TMEM135: variants seen among roughly 807,000 people sequenced by gnomAD.
The protein encoded by TMEM135 is transmembrane protein 135, also known as peroxisomal membrane protein 52.
A neutral mutation model predicts 60.3 loss-of-function variants in TMEM135; 30 were observed. The observed-to-expected ratio is 0.50, with a 90% CI of 0.37 to 0.68. The LOEUF is 0.68. Among genes scored for constraint, TMEM135 ranks in the 30% least tolerant of loss-of-function variants. The pLI is 0.00. For synonymous variants in TMEM135, 190 were observed against 186.7 expected, an observed-to-expected ratio of 1.02 and a Z score of -0.14; for missense variants, 468 against 548.8, an observed-to-expected ratio of 0.85 and a Z score of 1.47.
Position 87,323,058 on chromosome 11 carries a change from T to C in TMEM135, c.*1725T>C, listed in dbSNP as rs1251011171. 3 of 454,318 alleles carry C rather than the reference T, an allele frequency of 6.6e-6. No individual in the cohort carries two copies. The highest frequency in any genetic ancestry group is 6.0e-5 in the African/African-American group (3 of 50,118). 28.1% of individuals were successfully genotyped at this position (454,318 alleles called of 1,614,324 possible). On this transcript the variant is annotated 3_prime_UTR_variant, in exon 15 of 15. Coordinates refer to ENST00000305494, the MANE Select transcript of TMEM135 (RefSeq NM_022918.4). ...CATTTTCTTTATCCAGAAATTGTGC[T>C]TATATATTTTCCTGTCAGGTTTAAA...
intron 4 of TMEM135, among the ~76,000 whole-genome samples, chr11:87,123,780 A>T (rs572247203): frequency 6.6e-6 from 1 of 152,168 alleles, no homozygotes; most frequent in African/African-American, 2.4e-5. Flanking sequence ...GAGAATTAAC[A>T]TTTATTGAGC....
intron 5 of TMEM135, among the ~76,000 whole-genome samples, chr11:87,169,800 A>C (rs1026811159): frequency 5.3e-5 from 8 of 151,810 alleles, no homozygotes; most frequent in African/African-American, 1.9e-4. Context: ...CTTCTCGAGG[A>C]GTATCTTTGT....
chr11:87,311,546 C>T (rs937018995), intron 10 of TMEM135, among the ~76,000 whole-genome samples: 1 of 152,058 alleles, frequency 6.6e-6, no homozygotes, highest in African/African-American at 2.4e-5. Context: ...TGGTTATTCT[C>T]TGCCATCTAG....
intron 5 of TMEM135, among the ~76,000 whole-genome samples, chr11:87,168,309 T>G (rs1939126118): frequency 1.3e-5 from 2 of 152,178 alleles, no homozygotes; most frequent in African/African-American, 4.8e-5. Flanking sequence ...TCTCCTTCAG[T>G]TCTGCTCTGA....
intron 7 of TMEM135, among the ~76,000 whole-genome samples, chr11:87,296,114 C>T (rs1325684176): frequency 1.3e-5 from 2 of 152,096 alleles, no homozygotes; most frequent in South Asian, 2.1e-4. Context: ...AAAGACAGAG[C>T]TGCTCATGAA....
chr11:87,105,483 A>G (rs1166018905), intron 4 of TMEM135, among the ~76,000 whole-genome samples: 2 of 152,102 alleles, frequency 1.3e-5, no homozygotes, highest in Non-Finnish European at 2.9e-5. Flanking sequence ...TCTTTCACGA[A>G]TCCGTTTTCT....
chr11:87,076,443 C>T (rs74976416), intron 3 of TMEM135, among the ~76,000 whole-genome samples: 2 of 152,206 alleles, frequency 1.3e-5, no homozygotes, highest in African/African-American at 2.4e-5. Flanking sequence ...GTAGGCCCCC[C>T]CTCTGGCCTA....
At chr11:87,138,544 C>A (rs1213817056) in intron 4 of TMEM135, among the ~76,000 whole-genome samples, 1 of 152,070 alleles carries the variant, frequency 6.6e-6, no homozygotes, top group Non-Finnish European at 1.5e-5. Flanking sequence ...ATAGTCCAAA[C>A]AATGACTTAC....
At chr11:87,260,703 A>G (rs1941633640) in intron 6 of TMEM135, among the ~76,000 whole-genome samples, 1 of 150,620 alleles carries the variant, frequency 6.6e-6, no homozygotes, top group South Asian at 2.1e-4. Context: ...GAAAACAGAA[A>G]TAGTACTGAT....
chr11:87,326,752 T>A lies in TMEM135; in HGVS notation c.*5419T>A. On this transcript the variant is annotated 3_prime_UTR_variant, in exon 15 of 15. Coordinates refer to ENST00000305494, the MANE Select transcript of TMEM135 (RefSeq NM_022918.4). Reference sequence around the variant, plus strand: ...GGGAAAATTGAAGGTAAATAATATCTGCAAAGCTTCAGGAAGAAATTCAGT... The same window carrying A: ...GGGAAAATTGAAGGTAAATAATATCAGCAAAGCTTCAGGAAGAAATTCAGT... 2.2e-6 allele frequency: 1 copy of A among 446,040 alleles called. No homozygotes were observed. The highest frequency in any genetic ancestry group is 4.4e-6 in the Non-Finnish European group (1 of 224,832). The allele number at this position is 446,040 out of a possible 1,614,324, so 27.6% of individuals were successfully genotyped here. A position where few individuals can be genotyped will look rare whatever the true frequency, so the allele number is the denominator to read the frequency against.
intron 6 of TMEM135, among the ~76,000 whole-genome samples, chr11:87,274,940 C>T (rs1439644636): frequency 6.6e-6 from 1 of 150,522 alleles, no homozygotes; most frequent in Non-Finnish European, 1.5e-5. Flanking sequence ...TCTTTTTTCC[C>T]CCTAAGGAGT....
intron 6 of TMEM135, among the ~76,000 whole-genome samples, chr11:87,241,912 A>T (rs1033672671): frequency 2.1e-4 from 32 of 152,032 alleles, no homozygotes; most frequent in African/African-American, 7.2e-4. Context: ...TGTGCAGGTT[A>T]GTTACATATG....
chr11:87,325,581 A>G lies in TMEM135; in HGVS notation c.*4248A>G, dbSNP rs1305660019. ...TGTCCATTCTCTGCTTGCTGGTGTT[A>G]CTTTATGTTAACTAGTCTCCTTGGA... is the stretch of plus-strand genomic sequence containing the variant. On this transcript the variant is annotated 3_prime_UTR_variant, in exon 15 of 15. Transcript: ENST00000305494. 6.6e-6 allele frequency: 3 copies of G among 453,234 alleles called. No individual in the cohort carries two copies. The highest frequency in any genetic ancestry group is 4.7e-5 in the South Asian group (3 of 64,438). The allele number at this position is 453,234 out of a possible 1,614,324, so 28.1% of individuals were successfully genotyped here.
At chr11:87,314,395 A>T in intron 11 of TMEM135, 76 bp from the exon 12 acceptor site, 1 of 1,262,680 alleles carries the variant, frequency 7.9e-7, no homozygotes. Context: ...TATGTAAGTG[A>T]ATTAACATTT....
chr11:87,195,390 C>A lies in TMEM135; in HGVS notation c.462+37984C>A, dbSNP rs1412299898. On this transcript the variant is annotated intron_variant, in intron 5 of 14. Transcript: ENST00000305494. ...CCTTCCTTCCTTCCTTCCTTCCTTC[C>A]TTCTCTCTCTCTCTCTCTCTGTTTC... 8.4e-5 allele frequency among the ~76,000 whole-genome samples: 4 copies of A among 47,858 alleles called. 1 individual carries two copies. The Admixed American group carries it at 8.9e-4, about 11-fold the overall frequency. 31.4% of individuals were successfully genotyped at this position (47,858 alleles called of 152,430 possible). A position where few individuals can be genotyped will look rare whatever the true frequency, so the allele number is the denominator to read the frequency against.
chr11:87,085,782 A>G (rs147195272), intron 3 of TMEM135, among the ~76,000 whole-genome samples: 9 of 152,264 alleles, frequency 5.9e-5, no homozygotes, highest in Non-Finnish European at 7.4e-5. Context: ...AACAAAAAAG[A>G]TAATTTAGTA....
intron 5 of TMEM135, among the ~76,000 whole-genome samples, chr11:87,169,963 A>C (rs1362558546): frequency 6.6e-6 from 1 of 151,710 alleles, no homozygotes; most frequent in African/African-American, 2.4e-5. Flanking sequence ...TGGTCTTTTC[A>C]TATAGTCCCA....
intron 6 of TMEM135, among the ~76,000 whole-genome samples, chr11:87,258,463 C>T (rs1941576211): frequency 6.6e-6 from 1 of 152,106 alleles, no homozygotes; most frequent in Non-Finnish European, 1.5e-5. Context: ...TCCCCAACAG[C>T]TCCATTCTTT....
At chr11:87,317,616 G>A (rs1228097219) in intron 12 of TMEM135, among the ~76,000 whole-genome samples, 1 of 152,064 alleles carries the variant, frequency 6.6e-6, no homozygotes, top group Non-Finnish European at 1.5e-5. Context: ...AATTTAAAAA[G>A]AGTCAGATTT....
Sources: allele counts gnomAD v4.1 joint callset (sites outside exome capture counted in the v4.1 genomes callset), GRCh38; gene constraint gnomAD v4.1.1; transcripts MANE v1.5; gene names NCBI Gene and HGNC (gene_info 2026-07-23, HGNC 2026-07-21).